Variants in TMEM178B observed in about 807,000 individuals in gnomAD.
TMEM178B encodes the protein transmembrane protein 178B.
Under a neutral mutation model 31.0 loss-of-function variants are expected in TMEM178B, and 5 were observed. The ratio of observed to expected loss-of-function variants is 0.16; its 90% CI spans 0.08 to 0.34. TMEM178B has a LOEUF of 0.34. Among genes scored for constraint, TMEM178B ranks in the 10% least tolerant of loss-of-function variants. The pLI is 1.00. For missense variants in TMEM178B, 275 were observed against 400.3 expected (o/e 0.69, Z 2.67); for synonymous variants, 164 against 164.0 (o/e 1.00, Z 0.00).
Position 141,074,717 on chromosome 7 carries a change from C to A in TMEM178B, c.382+25C>A, listed in dbSNP as rs878921930. ...GGTAAGCGCCGGGCGCAAGGCGTGGCGCTGCGGAGAGCCCGGCGCCTTTAG... is the reference window on the plus strand; with the variant it reads ...GGTAAGCGCCGGGCGCAAGGCGTGGAGCTGCGGAGAGCCCGGCGCCTTTAG... On this transcript the variant is annotated intron_variant, in intron 1 of 3. Transcript: ENST00000565468. This position sits in a 1 kb window ranked among gnomAD's most constrained non-coding sequence, Gnocchi z 5.1. The A allele has an allele frequency of 2.8e-6, 4 of 1,452,646 alleles. No individual in the cohort carries two copies. In the Admixed American group the frequency reaches 7.9e-5, roughly 29 times the overall value. 90.0% of individuals were successfully genotyped at this position (1,452,646 alleles called of 1,614,324 possible).
intron 2 of TMEM178B, among the ~76,000 whole-genome samples, chr7:141,289,201 T>C (rs1164050535): frequency 6.6e-6 from 1 of 152,144 alleles, no homozygotes; most frequent in African/African-American, 2.4e-5. Flanking sequence ...AAAATAGTAA[T>C]AGGGTCGAGA....
chr7:141,378,670 G>T (rs1433431944), intron 2 of TMEM178B, among the ~76,000 whole-genome samples: 2 of 152,208 alleles, frequency 1.3e-5, no homozygotes, highest in African/African-American at 4.8e-5. Flanking sequence ...CCAACCTGCA[G>T]ATCTGTTCCA....
chr7:141,179,808 G>A (rs980242416), intron 1 of TMEM178B, among the ~76,000 whole-genome samples: 4 of 152,158 alleles, frequency 2.6e-5, no homozygotes, highest in African/African-American at 9.7e-5. Context: ...TGGCCACACT[G>A]CAAAGAAGAT....
chr7:141,131,562 C>T (rs543989196), intron 1 of TMEM178B, among the ~76,000 whole-genome samples: 1 of 152,288 alleles, frequency 6.6e-6, no homozygotes, highest in African/African-American at 2.4e-5. Context: ...TAATTGAAAA[C>T]ATACACTACA....
the TMEM178B span, among the ~76,000 whole-genome samples, chr7:141,489,193 A>G: frequency 6.6e-6 from 1 of 152,162 alleles, no homozygotes; most frequent in African/African-American, 2.4e-5. Flanking sequence ...TCCATCTCTT[A>G]TCATCTTCCT....
chr7:141,468,674 T>C (rs1042479582), intron 3 of TMEM178B, among the ~76,000 whole-genome samples: 5 of 152,214 alleles, frequency 3.3e-5, no homozygotes, highest in Admixed American at 6.5e-5. Flanking sequence ...GGGGTAATTA[T>C]CCGACATTTG....
chr7:141,093,818 A>G (rs113819705), intron 1 of TMEM178B, among the ~76,000 whole-genome samples: 1 of 152,360 alleles, frequency 6.6e-6, no homozygotes, highest in Non-Finnish European at 1.5e-5. Context: ...GTCAAGTTCA[A>G]TGAGGCCTGA....
chr7:141,076,591 GT>G (rs1794603795), intron 1 of TMEM178B, among the ~76,000 whole-genome samples: 1 of 152,166 alleles, frequency 6.6e-6, no homozygotes, highest in African/African-American at 2.4e-5. Context: ...GGTTGACTTG[GT>G]CTGTGCACTG....
At chr7:141,482,203 A>G (rs144272673), downstream of TMEM178B, among the ~76,000 whole-genome samples, 324 of 152,284 alleles carry the variant, frequency 2.1e-3, no homozygotes, top group African/African-American at 7.4e-3. Context: ...GTTCCTAGTG[A>G]GAGCTGTTAA....
the TMEM178B span, among the ~76,000 whole-genome samples, chr7:141,488,340 G>A: frequency 6.6e-6 from 1 of 152,114 alleles, no homozygotes; most frequent in Non-Finnish European, 1.5e-5. Context: ...CTAAAATTAG[G>A]ACTAAGCAAA....
chr7:141,462,594 G>A lies in TMEM178B; in HGVS notation c.635-7942G>A, dbSNP rs112413765. Among the ~76,000 whole-genome samples the A allele has an allele frequency of 4.4e-3, 675 of 152,132 alleles. 5 individuals are homozygous for A. The highest frequency in any genetic ancestry group is 0.015 in the African/African-American group (631 of 41,482). On this transcript the variant is annotated intron_variant, in intron 3 of 3. Transcript: ENST00000565468. ...CGAGGAAAGAGATAGCCAAGCAGGA[G>A]GAAGGTGTCAGGTAGCCAAAAAACT...
intron 1 of TMEM178B, among the ~76,000 whole-genome samples, chr7:141,169,613 A>C (rs536367304): frequency 2.0e-5 from 3 of 152,340 alleles, no homozygotes; most frequent in Admixed American, 1.3e-4. Flanking sequence ...AATCATCCAC[A>C]TGCTTGCTTG....
intron 1 of TMEM178B, among the ~76,000 whole-genome samples, chr7:141,181,485 C>T (rs1796529336): frequency 6.6e-6 from 1 of 152,166 alleles, no homozygotes; most frequent in African/African-American, 2.4e-5. Context: ...CTGACTGTCT[C>T]ATAAAGGGCT....
intron 1 of TMEM178B, among the ~76,000 whole-genome samples, chr7:141,210,840 G>T (rs1410432877): frequency 1.3e-5 from 2 of 152,156 alleles, no homozygotes; most frequent in Non-Finnish European, 2.9e-5. Flanking sequence ...ACTACAGGAG[G>T]AGGGGAGACA....
intron 2 of TMEM178B, among the ~76,000 whole-genome samples, chr7:141,216,470 TGTGTGG>T (rs750003841): frequency 0.26 from 35,886 of 139,802 alleles, 6,750 homozygotes; most frequent in Non-Finnish European, 0.37. Flanking sequence ...CGCGTGTGTG[TGTGTGG>T]GTGTGTGGTG....
chr7:141,202,522 T>TA (rs1244124154), intron 1 of TMEM178B, among the ~76,000 whole-genome samples: 2 of 152,038 alleles, frequency 1.3e-5, no homozygotes, highest in African/African-American at 4.8e-5. Flanking sequence ...AAAACAACAT[T>TA]AAAAGGCCAC....
At chr7:141,467,656 C>T (rs982230726) in intron 3 of TMEM178B, among the ~76,000 whole-genome samples, 4 of 152,076 alleles carry the variant, frequency 2.6e-5, no homozygotes, top group African/African-American at 7.2e-5. Context: ...GTGCCTTGAC[C>T]CTACATGAAG....
intron 2 of TMEM178B, among the ~76,000 whole-genome samples, chr7:141,373,663 C>G (rs1042698632): frequency 1.3e-5 from 2 of 152,140 alleles, no homozygotes; most frequent in African/African-American, 4.8e-5. Context: ...CCCCAACACA[C>G]ATTGGGCAGG....
intron 1 of TMEM178B, among the ~76,000 whole-genome samples, chr7:141,135,452 C>T (rs781009999): frequency 6.6e-6 from 1 of 152,168 alleles, no homozygotes; most frequent in Admixed American, 6.5e-5. Context: ...GTACATAGAA[C>T]GTTCTCCAGA....
Sources: allele counts gnomAD v4.1 joint callset (sites outside exome capture counted in the v4.1 genomes callset), GRCh38; gene constraint gnomAD v4.1.1; non-coding constraint Gnocchi (gnomAD v3.1); transcripts MANE v1.5; gene names NCBI Gene and HGNC (gene_info 2026-07-23, HGNC 2026-07-21).